KLRG2: variants seen among roughly 807,000 people sequenced by gnomAD.
KLRG2 encodes killer cell lectin-like receptor subfamily G member 2.
Under a neutral mutation model 35.4 loss-of-function variants are expected in KLRG2, and 39 were observed. The observed-to-expected ratio is 1.10, with a 90% confidence interval of 0.85 to 1.44. KLRG2 has a LOEUF of 1.44. KLRG2 is among the 40% of genes most tolerant of loss of function. KLRG2 has a pLI of 0.00. For missense variants in KLRG2, 632 were observed against 570.9 expected (o/e 1.11, Z -1.09); for synonymous variants, 283 against 265.8 (o/e 1.06, Z -0.63).
At chr7:139,472,449 A>T (rs1456070457) in intron 3 of KLRG2, among the ~76,000 whole-genome samples, 1 of 152,106 alleles carries the variant, frequency 6.6e-6, no homozygotes, top group East Asian at 1.9e-4. Context: ...AGGACAAAAA[A>T]AAATGGGAAG....
intron 3 of KLRG2, among the ~76,000 whole-genome samples, chr7:139,471,555 G>C (rs1345537659): frequency 6.6e-6 from 1 of 152,108 alleles, no homozygotes; most frequent in East Asian, 1.9e-4. Context: ...CAGCTACTCG[G>C]AAGGCTGAGA....
chr7:139,475,602 G>T (rs76436113), intron 3 of KLRG2, among the ~76,000 whole-genome samples: 1 of 151,750 alleles, frequency 6.6e-6, no homozygotes, highest in Non-Finnish European at 1.5e-5. Flanking sequence ...TATAAGGACA[G>T]AATCTCCTGT....
At chr7:139,446,142 A>G in the KLRG2 span, among the ~76,000 whole-genome samples, 2 of 150,728 alleles carry the variant, frequency 1.3e-5, no homozygotes, top group Admixed American at 6.6e-5. Context: ...TGGCCAGTCT[A>G]AAATATTTTT....
intron 3 of KLRG2, 28 bp from the exon 4 acceptor site, chr7:139,454,242 C>T: frequency 8.9e-7 from 1 of 1,118,006 alleles, no homozygotes. Context: ...GCTGGTCACT[C>T]CCCTGGACAC....
chr7:139,445,113 T>A, the KLRG2 span, among the ~76,000 whole-genome samples: 1 of 151,698 alleles, frequency 6.6e-6, no homozygotes, highest in Non-Finnish European at 1.5e-5. Flanking sequence ...GAGTCTCTCA[T>A]TCTTTCACCC....
At chr7:139,464,926 C>A (rs113215741) in intron 3 of KLRG2, among the ~76,000 whole-genome samples, 3 of 152,234 alleles carry the variant, frequency 2.0e-5, no homozygotes, top group African/African-American at 7.2e-5. Context: ...CAGCTATACT[C>A]GCTCTTTGTT....
chr7:139,441,831 C>T, the KLRG2 span, among the ~76,000 whole-genome samples: 49,186 of 151,964 alleles, frequency 0.32, 11,025 homozygotes, highest in African/African-American at 0.64. Context: ...CGTTCTGAAC[C>T]AAGGCTGGCT....
At chr7:139,477,912 C>G (rs1176053730) in intron 3 of KLRG2, among the ~76,000 whole-genome samples, 5 of 151,980 alleles carry the variant, frequency 3.3e-5, no homozygotes, top group African/African-American at 1.2e-4. Context: ...GCGCCCGCCA[C>G]CGCGCCCGGC....
At chr7:139,448,534 G>A (rs953010020), downstream of KLRG2, among the ~76,000 whole-genome samples, 2 of 152,090 alleles carry the variant, frequency 1.3e-5, no homozygotes, top group African/African-American at 2.4e-5. Flanking sequence ...AAAATATGGT[G>A]TAAAAGATAA....
intron 3 of KLRG2, among the ~76,000 whole-genome samples, chr7:139,461,473 C>T (rs1307413555): frequency 6.6e-6 from 1 of 152,196 alleles, no homozygotes; most frequent in Non-Finnish European, 1.5e-5. Context: ...ATTGCCAGGC[C>T]TCTGAGCCCA....
At chr7:139,431,059 G>A in the KLRG2 span, among the ~76,000 whole-genome samples, 1 of 149,770 alleles carries the variant, frequency 6.7e-6, no homozygotes, top group Non-Finnish European at 1.5e-5. Context: ...CTCTATAAAG[G>A]AAGGGATTAC....
chr7:139,454,764 C>T (rs899867387), intron 3 of KLRG2, among the ~76,000 whole-genome samples: 27 of 150,924 alleles, frequency 1.8e-4, no homozygotes, highest in African/African-American at 6.1e-4. Flanking sequence ...TGCAGTAAGC[C>T]GAGATTGCGC....
intron 3 of KLRG2, among the ~76,000 whole-genome samples, chr7:139,466,257 C>T (rs1023111834): frequency 1.3e-5 from 2 of 152,200 alleles, no homozygotes; most frequent in African/African-American, 4.8e-5. Context: ...TGGGTAAACA[C>T]TTTCACTGGG....
downstream of KLRG2, among the ~76,000 whole-genome samples, chr7:139,449,396 G>A (rs1422177028): frequency 1.3e-5 from 2 of 151,968 alleles, no homozygotes; most frequent in Non-Finnish European, 2.9e-5. Flanking sequence ...GTGAGGCTCC[G>A]CTTCAAAAAA....
Position 139,454,149 on chromosome 7 carries a change from G to T in KLRG2, c.1071C>A (p.Gly357=), listed in dbSNP as rs1353722604. Residue 357 remains glycine (G), a synonymous_variant, in exon 4 of 5, where the codon GGC becomes GGA. Transcript: ENST00000340940. ...GTGGGGCCTCGTCGATCCAGTGCCA[G>T]CCCTGGGGGCCTCGCCAGGCCCCCA... ...SWVGAWRGPQ[G]WHWIDEAPLP... is the part of the protein sequence containing the mutation. 1 of 1,546,088 alleles carries T rather than the reference G, an allele frequency of 6.5e-7. No homozygotes were observed. The highest frequency in any genetic ancestry group is 8.7e-7 in the Non-Finnish European group (1 of 1,144,294).
At chr7:139,433,008 G>A in the KLRG2 span, among the ~76,000 whole-genome samples, 1 of 152,136 alleles carries the variant, frequency 6.6e-6, no homozygotes, top group African/African-American at 2.4e-5. Context: ...CGCTTCTCAA[G>A]ATAATCACTA....
At chr7:139,435,649 C>G in the KLRG2 span, among the ~76,000 whole-genome samples, 1 of 152,100 alleles carries the variant, frequency 6.6e-6, no homozygotes. Context: ...ATCTCTCTAG[C>G]ATGAGCTTTA....
chr7:139,444,263 A>T, the KLRG2 span, among the ~76,000 whole-genome samples: 2 of 152,162 alleles, frequency 1.3e-5, no homozygotes, highest in Admixed American at 6.5e-5. Context: ...CCAGAACAAT[A>T]CTTTGCGTCC....
the KLRG2 span, among the ~76,000 whole-genome samples, chr7:139,432,377 A>AT: frequency 1.3e-5 from 2 of 152,030 alleles, no homozygotes; most frequent in African/African-American, 2.4e-5. Context: ...GAAAAAAAAA[A>AT]GTCTGCCTAC....
Sources: allele counts gnomAD v4.1 joint callset (sites outside exome capture counted in the v4.1 genomes callset), GRCh38; gene constraint gnomAD v4.1.1; transcripts MANE v1.5; gene names NCBI Gene and HGNC (gene_info 2026-07-23, HGNC 2026-07-21).